The following BIN2 variants were observed in gnomAD, a reference collection of about 807,000 sequenced individuals.
BIN2 encodes the protein bridging integrator 2, also known as breast cancer associated protein BRAP1.
In BIN2, 43 loss-of-function variants were observed where a neutral mutation model predicts 67.9. The ratio of observed to expected loss-of-function variants is 0.63; its 90% CI spans 0.50 to 0.82. The LOEUF (loss-of-function observed/expected upper bound fraction) is 0.82, where lower values mean the gene tolerates loss of function less well. BIN2 is among the 40% of genes least tolerant of loss of function. The pLI, the probability that BIN2 is intolerant of heterozygous loss-of-function variation, is 0.00. For synonymous variants in BIN2, 244 were observed against 246.8 expected (o/e 0.99, Z 0.11); for missense variants, 581 against 671.6 (o/e 0.87, Z 1.49).
At chr12:51,308,184 T>C (rs1592273840) in intron 2 of BIN2, among the ~76,000 whole-genome samples, 1 of 152,164 alleles carries the variant, frequency 6.6e-6, no homozygotes, top group Admixed American at 6.6e-5. Context: ...ACTCTCATAG[T>C]CTTGGGTTCT....
intron 1 of BIN2, 37 bp downstream of exon 1, chr12:51,323,985 C>T: frequency 1.2e-6 from 2 of 1,609,170 alleles, no homozygotes; most frequent in Non-Finnish European, 1.7e-6. Flanking sequence ...CCTCGGCTCC[C>T]TGTGGGCCAG....
chr12:51,313,771 C>T (rs1946055684), intron 2 of BIN2, 52 bp downstream of exon 2: 2 of 1,484,472 alleles, frequency 1.3e-6, no homozygotes, highest in African/African-American at 1.4e-5. Flanking sequence ...GCCACTCAGC[C>T]CTCGTGTCTC....
chr12:51,317,337 A>G (rs991992185), intron 1 of BIN2, among the ~76,000 whole-genome samples: 4 of 152,162 alleles, frequency 2.6e-5, no homozygotes, highest in African/African-American at 9.6e-5. Flanking sequence ...ATAGGACTGA[A>G]TGAGTGGAGC....
intron 1 of BIN2, chr12:51,322,620 T>C (rs1323202301): frequency 6.8e-6 from 1 of 146,762 alleles, no homozygotes; most frequent in East Asian, 2.0e-4. Flanking sequence ...TTTTTTTTTT[T>C]CAACCACAGT....
At chr12:51,323,928 C>T in intron 1 of BIN2, 94 bp downstream of exon 1, 1 of 1,516,282 alleles carries the variant, frequency 6.6e-7, no homozygotes, top group East Asian at 2.4e-5. Flanking sequence ...CTTCGGGGCC[C>T]CTGAGCACCC....
rs1256440620 is a variant in BIN2, at chr12:51,299,193, C to A, written c.602+10G>T. The A allele has an allele frequency of 6.2e-7, 1 of 1,601,158 alleles. No homozygotes were observed. Among genetic ancestry groups the A allele is most frequent in the Non-Finnish European group, 8.6e-7 (1 of 1,168,590 alleles). ...AAGCAAAGGCACCTTTTCTGAATTT[C>A]AGTCATTACCTATTATAAAGAATAG... is the stretch of plus-strand genomic sequence containing the variant. On this transcript the variant is annotated intron_variant, in intron 7 of 12. Coordinates refer to ENST00000615107, the MANE Select transcript of BIN2 (RefSeq NM_016293.4).
Position 51,295,777 on chromosome 12 carries a change from A to T in BIN2, c.761+19T>A, listed in dbSNP as rs1235961798. 3 of 1,609,286 alleles carry T rather than the reference A, an allele frequency of 1.9e-6. 1 individual carries two copies. Among genetic ancestry groups the T allele is most frequent in the Non-Finnish European group, 1.7e-6 (2 of 1,177,236 alleles). On this transcript the variant is annotated intron_variant, in intron 9 of 12. Coordinates refer to ENST00000615107, the MANE Select transcript of BIN2 (RefSeq NM_016293.4). ...ACACACAGGACAAGCGAAGCAAAAA[A>T]GTCTTGGATGCTGCTCACCTTGACA...
intron 2 of BIN2, among the ~76,000 whole-genome samples, chr12:51,308,373 T>A (rs902797989): frequency 4.6e-5 from 7 of 152,072 alleles, no homozygotes; most frequent in Non-Finnish European, 1.0e-4. Flanking sequence ...CCATAAAGAG[T>A]CTGAGTCAGT....
At chr12:51,286,591 T>C (rs776252171) in intron 11 of BIN2, among the ~76,000 whole-genome samples, 1 of 152,140 alleles carries the variant, frequency 6.6e-6, no homozygotes, top group African/African-American at 2.4e-5. Context: ...AAAAAGTCAC[T>C]CTATTACTGT....
intron 1 of BIN2, among the ~76,000 whole-genome samples, chr12:51,321,236 G>C (rs149253656): frequency 3.3e-4 from 50 of 152,210 alleles, no homozygotes; most frequent in African/African-American, 1.1e-3. Flanking sequence ...TTCAGAGGCA[G>C]GACACCTGGG....
chr12:51,286,139 CTA>C (rs1001800426), intron 11 of BIN2, among the ~76,000 whole-genome samples: 1 of 151,970 alleles, frequency 6.6e-6, no homozygotes, highest in Non-Finnish European at 1.5e-5. Flanking sequence ...TCAAAAATGG[CTA>C]TGTTTTTTCC....
intron 1 of BIN2, chr12:51,322,647 T>C (rs1433733110): frequency 6.6e-6 from 1 of 151,976 alleles, no homozygotes; most frequent in African/African-American, 2.4e-5. Flanking sequence ...TTCTCTCCAG[T>C]ACCTCCTGCT....
chr12:51,299,459 C>T (rs1945659770), intron 6 of BIN2, 148 bp downstream of exon 6: 1 of 948,760 alleles, frequency 1.1e-6, no homozygotes, highest in East Asian at 2.4e-5. Context: ...CTTACAGCAT[C>T]AGTGTCAGAA....
At chr12:51,295,501 T>C (rs1945518792) in intron 9 of BIN2, among the ~76,000 whole-genome samples, 1 of 144,898 alleles carries the variant, frequency 6.9e-6, no homozygotes, top group African/African-American at 2.6e-5. Flanking sequence ...AGGCGGAGCT[T>C]GCAGTGAGCC....
At chr12:51,286,279 A>G (rs1490634791) in intron 11 of BIN2, among the ~76,000 whole-genome samples, 2 of 152,202 alleles carry the variant, frequency 1.3e-5, no homozygotes, top group Admixed American at 1.3e-4. Flanking sequence ...TGATGACACG[A>G]ATAGGCTAGG....
chr12:51,299,804 T>C, intron 5 of BIN2, 90 bp from the exon 6 acceptor site: 4 of 1,109,050 alleles, frequency 3.6e-6, no homozygotes, highest in Non-Finnish European at 5.5e-6. Context: ...AGCAAGATTC[T>C]TGCATCCTAC....
At chr12:51,323,023 C>T (rs1282661682) in intron 1 of BIN2, 1 of 152,056 alleles carries the variant, frequency 6.6e-6, no homozygotes, top group Non-Finnish European at 1.5e-5. Context: ...GCTGTTCATC[C>T]AAATGCTTCT....
Position 51,303,138 on chromosome 12 carries a change from C to T in BIN2, c.166G>A (p.Glu56Lys). 1 of 1,614,044 alleles carries T rather than the reference C, an allele frequency of 6.2e-7. No homozygotes were observed. Among genetic ancestry groups the T allele is most frequent in the Non-Finnish European group, 8.5e-7 (1 of 1,179,928 alleles). ...SASNFYQQQA[E>K]GHKLYKDLKN... ...AGGTCCTTGTACAGCTTGTGGCCTTCTGCCTGAAAGAGAAAAGTACATTTG... is the reference window on the plus strand; with the variant it reads ...AGGTCCTTGTACAGCTTGTGGCCTTTTGCCTGAAAGAGAAAAGTACATTTG... The change falls in exon 3 of 13, where the codon GAA becomes AAA. Residue 56 changes from glutamate to lysine, a missense_variant. By Grantham distance (56) the Glu-to-Lys change is moderately conservative (BLOSUM62 1). Transcript: ENST00000615107.
intron 2 of BIN2, among the ~76,000 whole-genome samples, chr12:51,313,104 G>A (rs1382118865): frequency 1.3e-5 from 2 of 151,558 alleles, no homozygotes; most frequent in African/African-American, 2.4e-5. Context: ...ATAGCATGGT[G>A]GCACACACCT....
Sources: allele counts gnomAD v4.1 joint callset (sites outside exome capture counted in the v4.1 genomes callset), GRCh38; gene constraint gnomAD v4.1.1; transcripts MANE v1.5; gene names NCBI Gene and HGNC (gene_info 2026-07-23, HGNC 2026-07-21).